Variants in TUSC3 observed in about 807,000 individuals in gnomAD.
The protein encoded by TUSC3 is tumor suppressor candidate 3, also known as dolichyl-diphosphooligosaccharide--protein glycosyltransferase subunit TUSC3.
In TUSC3, 45 loss-of-function variants were observed where a neutral mutation model predicts 44.8. The ratio of observed to expected loss-of-function variants is 1.00; its 90% CI spans 0.79 to 1.29. The LOEUF (loss-of-function observed/expected upper bound fraction) is 1.29. TUSC3 is among the 50% of genes most tolerant of loss of function. The pLI is 0.00. For synonymous variants in TUSC3, 212 were observed against 152.9 expected, an observed-to-expected ratio of 1.39 and a Z score of -2.85; for missense variants, 519 against 437.9, an observed-to-expected ratio of 1.19 and a Z score of -1.65.
At chr8:15,822,956 G>C in the TUSC3 span, among the ~76,000 whole-genome samples, 2 of 152,032 alleles carry the variant, frequency 1.3e-5, no homozygotes, top group African/African-American at 4.8e-5. Context: ...CAGGTTCATT[G>C]GCCCTCGTAA....
In TUSC3 at chr8:15,514,242, G is replaced by T. The variant is rs548843710; in HGVS notation, n.189+30759G>T. On this transcript the variant is annotated intron_variant and non_coding_transcript_variant, in intron 2 of 5. Transcript: ENST00000503191. The stretch of plus-strand genomic sequence containing the variant: ...TTTGTGTGTATTATGAGTGAATGAT[G>T]AAAGCATCATTAGGTCTAAGCTGAC... 5.6e-4 allele frequency among the ~76,000 whole-genome samples: 85 copies of T among 152,232 alleles called. 2 individuals are homozygous for T. The highest frequency in any genetic ancestry group is 4.2e-3 in the Admixed American group (64 of 15,290).
chr8:15,594,580 G>A (rs1033518556), intron 1 of TUSC3, among the ~76,000 whole-genome samples: 1 of 152,106 alleles, frequency 6.6e-6, no homozygotes, highest in Non-Finnish European at 1.5e-5. Context: ...AGATTTGTTA[G>A]GCAGGATTGG....
intron 1 of TUSC3, among the ~76,000 whole-genome samples, chr8:15,586,698 A>G (rs151181714): frequency 3.1e-3 from 477 of 152,294 alleles, no homozygotes; most frequent in African/African-American, 0.011. Context: ...ACTGAATGCT[A>G]TTGAAATAGC....
intron 10 of TUSC3, among the ~76,000 whole-genome samples, chr8:15,760,241 C>G (rs1239926401): frequency 1.3e-5 from 2 of 152,212 alleles, no homozygotes; most frequent in East Asian, 1.9e-4. Context: ...ATTCATAAAT[C>G]CCAACACCCA....
At chr8:15,463,808 C>T (rs1800379495) in intron 1 of TUSC3, among the ~76,000 whole-genome samples, 1 of 152,168 alleles carries the variant, frequency 6.6e-6, no homozygotes, top group Non-Finnish European at 1.5e-5. Context: ...TATAGCCAAG[C>T]AATTTATACT....
chr8:15,829,702 C>A, the TUSC3 span, among the ~76,000 whole-genome samples: 15,791 of 151,912 alleles, frequency 0.1, 929 homozygotes, highest in East Asian at 0.25. Flanking sequence ...GAAACATTTT[C>A]CAGTGAGTTT....
intron 2 of TUSC3, among the ~76,000 whole-genome samples, chr8:15,505,829 A>G (rs1801044817): frequency 6.6e-6 from 1 of 152,190 alleles, no homozygotes; most frequent in South Asian, 2.1e-4. Context: ...AAAATTCAAT[A>G]GTCTTCCATA....
chr8:15,788,566 G>A, the TUSC3 span, among the ~76,000 whole-genome samples: 37 of 144,534 alleles, frequency 2.6e-4, no homozygotes, highest in African/African-American at 8.4e-4. Context: ...AAAAAAAAAG[G>A]AAGTTAAATT....
At chr8:15,421,769 A>T (rs1203124074) in intron 1 of TUSC3, among the ~76,000 whole-genome samples, 1 of 152,134 alleles carries the variant, frequency 6.6e-6, no homozygotes, top group Non-Finnish European at 1.5e-5. Flanking sequence ...GTCATCTGAG[A>T]CCCTGGATCA....
chr8:15,545,819 T>C (rs928078260), intron 1 of TUSC3, among the ~76,000 whole-genome samples: 1 of 151,786 alleles, frequency 6.6e-6, no homozygotes, highest in African/African-American at 2.4e-5. Context: ...ATTCATCGAT[T>C]TTAGATGTGA....
At chr8:15,589,570 A>G (rs1234007849) in intron 1 of TUSC3, among the ~76,000 whole-genome samples, 5 of 152,320 alleles carry the variant, frequency 3.3e-5, no homozygotes, top group Non-Finnish European at 4.4e-5. Context: ...GAGATAGACA[A>G]TTAGCTTGCT....
chr8:15,431,906 C>G (rs2129116957), intron 1 of TUSC3, among the ~76,000 whole-genome samples: 1 of 77,952 alleles, frequency 1.3e-5, no homozygotes, highest in East Asian at 4.4e-4. Context: ...ATTTCTGTGT[C>G]TATTAGAAAT....
chr8:15,827,843 G>A, the TUSC3 span, among the ~76,000 whole-genome samples: 20 of 152,114 alleles, frequency 1.3e-4, no homozygotes, highest in Non-Finnish European at 2.9e-4. Context: ...CCGGAATGTT[G>A]AAGGCTGTTT....
chr8:15,600,541 A>G (rs1333834120), intron 1 of TUSC3, among the ~76,000 whole-genome samples: 1 of 151,704 alleles, frequency 6.6e-6, no homozygotes, highest in Admixed American at 6.6e-5. Context: ...CAAATAGAAG[A>G]TGCTGTTTTA....
intron 6 of TUSC3, among the ~76,000 whole-genome samples, chr8:15,699,752 T>A (rs1317530035): frequency 6.6e-6 from 1 of 152,154 alleles, no homozygotes; most frequent in Non-Finnish European, 1.5e-5. Context: ...GAGTATGGAC[T>A]TTTTTTAAGC....
chr8:15,470,636 C>A (rs1163474131), intron 1 of TUSC3, among the ~76,000 whole-genome samples: 1 of 152,138 alleles, frequency 6.6e-6, no homozygotes. Context: ...TAGTACACAG[C>A]AGGTCCCCAA....
chr8:15,615,191 C>G (rs1314183496), intron 1 of TUSC3, among the ~76,000 whole-genome samples: 3 of 152,126 alleles, frequency 2.0e-5, no homozygotes, highest in Non-Finnish European at 4.4e-5. Context: ...TCACAATACC[C>G]CTGATGTGGA....
chr8:15,734,860 C>G (rs1810866540), intron 7 of TUSC3, among the ~76,000 whole-genome samples: 1 of 152,124 alleles, frequency 6.6e-6, no homozygotes, highest in African/African-American at 2.4e-5. Flanking sequence ...AAGATAAATT[C>G]ATCAAGGCTG....
At position 15,561,538 on chromosome 8, in the gene TUSC3, C is replaced by G. The variant is rs540368411; in HGVS notation, c.138+20970C>G. The G allele has an allele frequency of 6.5e-3, 985 of 150,888 alleles. 11 individuals are homozygous for G. Among genetic ancestry groups the G allele is most frequent in the African/African-American group, 8.3e-3 (341 of 41,226 alleles). 9.3% of individuals were successfully genotyped at this position (150,888 alleles called of 1,614,324 possible). A position where few individuals can be genotyped will look rare whatever the true frequency, so the allele number is the denominator to read the frequency against. ...GAGCTGTGGTGGGCTCCACCCAGTT[C>G]GAGCTTCCTGGCTGCTTTGTTTACC... On this transcript the variant is annotated intron_variant, in intron 1 of 10. Transcript: ENST00000503731.
Sources: allele counts gnomAD v4.1 joint callset (sites outside exome capture counted in the v4.1 genomes callset), GRCh38; gene constraint gnomAD v4.1.1; transcripts MANE v1.5; gene names NCBI Gene and HGNC (gene_info 2026-07-23, HGNC 2026-07-21).